The following CASK variants were observed in gnomAD, a reference collection of about 807,000 sequenced individuals.
The protein encoded by CASK is calcium/calmodulin dependent serine protein kinase, also known as peripheral plasma membrane protein CASK.
CASK carries 4 observed loss-of-function variants against 82.9 expected under a neutral mutation model. That is an observed-to-expected ratio of 0.05 (90% CI 0.02 to 0.11). CASK has a LOEUF of 0.11. Ranked by LOEUF, CASK falls within the 10% of genes least tolerant of loss-of-function variation. The pLI is 1.00. For missense variants in CASK, 358 were observed against 720.9 expected (o/e 0.50, Z 5.76); for synonymous variants, 259 against 253.5 (o/e 1.02, Z -0.20).
Position 41,515,959 on chromosome X carries a change from C to T in CASK, c.*4461G>A, listed in dbSNP as rs2064543724. The T allele has an allele frequency of 3.6e-5, 4 of 112,519 alleles. No individual in the cohort carries two copies. Among genetic ancestry groups the T allele is most frequent in the Middle Eastern group, 4.6e-3 (1 of 216 alleles). The allele number at this position is 112,519 out of a possible 1,213,427, so 9.3% of individuals were successfully genotyped here. Reference sequence around the variant, plus strand: ...AGGAGGTCTCCTGTGTGGTGACAAACATCTCTTTCCATTTTCTTTTGCTCA... The same window carrying T: ...AGGAGGTCTCCTGTGTGGTGACAAATATCTCTTTCCATTTTCTTTTGCTCA... On this transcript the variant is annotated 3_prime_UTR_variant, in exon 27 of 27. Coordinates refer to ENST00000378163, the MANE Select transcript of CASK (RefSeq NM_001367721.1).
At position 41,515,521 on chromosome X, in the gene CASK, T is replaced by C. The variant is rs1246676722; in HGVS notation, c.*4899A>G. The stretch of plus-strand genomic sequence containing the variant: ...AGTTTGAATGGCGACGTGCCTACAC[T>C]GCAATTAAACACGATACTCGGGTCT... On this transcript the variant is annotated 3_prime_UTR_variant, in exon 27 of 27. Transcript: ENST00000378163. 8.9e-6 allele frequency: 1 copy of C among 111,895 alleles called. No homozygotes were observed. Among genetic ancestry groups the C allele is most frequent in the South Asian group, 3.7e-4 (1 of 2,714 alleles). The allele number at this position is 111,895 out of a possible 1,213,427, so 9.2% of individuals were successfully genotyped here.
rs151169509 is a variant in CASK, at chrX:41,902,964, G to T, written c.59+19966C>A. Reference sequence around the variant, plus strand: ...CAGGTACTGTAGCAGTGTGGGTGGGGATTAAAGAAGGCTGTGAATGGAAAG... The same window carrying T: ...CAGGTACTGTAGCAGTGTGGGTGGGTATTAAAGAAGGCTGTGAATGGAAAG... On this transcript the variant is annotated intron_variant, in intron 1 of 26. Coordinates refer to ENST00000378163, the MANE Select transcript of CASK (RefSeq NM_001367721.1). Among the ~76,000 whole-genome samples, 722 of 111,992 alleles carry T rather than the reference G, an allele frequency of 6.4e-3. 1 individual carries two copies. Among genetic ancestry groups the T allele is most frequent in the Non-Finnish European group, 0.011 (597 of 53,167 alleles).
At chrX:41,685,798 G>C (rs2067431073) in intron 5 of CASK, among the ~76,000 whole-genome samples, 1 of 111,773 alleles carries the variant, frequency 8.9e-6, no homozygotes, top group Admixed American at 9.5e-5. Flanking sequence ...TTCTTAGAGA[G>C]ACATTTGTAT....
intron 2 of CASK, among the ~76,000 whole-genome samples, chrX:41,825,028 T>C (rs183021172): frequency 1.9e-3 from 209 of 112,013 alleles, no homozygotes; most frequent in African/African-American, 6.5e-3. Flanking sequence ...ACAGGGTGAC[T>C]ACAGCAGATA....
At chrX:41,623,463 C>T (rs1415544581) in intron 10 of CASK, among the ~76,000 whole-genome samples, 1 of 111,932 alleles carries the variant, frequency 8.9e-6, no homozygotes, top group African/African-American at 3.3e-5. Flanking sequence ...TGCTCTGTCA[C>T]CCAGGCTGGA....
At chrX:41,856,813 A>C (rs1156408039) in intron 1 of CASK, among the ~76,000 whole-genome samples, 7 of 107,294 alleles carry the variant, frequency 6.5e-5, no homozygotes, top group African/African-American at 2.4e-4. Context: ...AAAAAAAAAA[A>C]CCAAACTGTA....
chrX:41,863,335 C>G (rs2071528563), intron 1 of CASK, among the ~76,000 whole-genome samples: 1 of 111,459 alleles, frequency 9.0e-6, no homozygotes, highest in African/African-American at 3.3e-5. Flanking sequence ...TAATTGAAGC[C>G]ATTGCTGCTA....
At chrX:41,847,299 C>A (rs891255998) in intron 2 of CASK, among the ~76,000 whole-genome samples, 8 of 111,517 alleles carry the variant, frequency 7.2e-5, no homozygotes, top group African/African-American at 2.6e-4. Context: ...TTTGCTCATT[C>A]TTTTATCTTT....
chrX:41,847,168 T>C (rs1226992520), intron 2 of CASK, among the ~76,000 whole-genome samples: 1 of 111,968 alleles, frequency 8.9e-6, no homozygotes, highest in African/African-American at 3.2e-5. Context: ...TAAGAAGTTT[T>C]GGACTATTAT....
At chrX:41,735,767 C>T (rs2068483919) in intron 5 of CASK, among the ~76,000 whole-genome samples, 1 of 110,772 alleles carries the variant, frequency 9.0e-6, no homozygotes, top group Non-Finnish European at 1.9e-5. Flanking sequence ...AGTGCTCTTC[C>T]CTCAGCTGTC....
chrX:41,537,723 A>T (rs1250405298), intron 22 of CASK, among the ~76,000 whole-genome samples: 1 of 109,676 alleles, frequency 9.1e-6, no homozygotes, highest in Non-Finnish European at 1.9e-5. Context: ...GTTACAAGAA[A>T]ACCTCTTCAG....
intron 3 of CASK, among the ~76,000 whole-genome samples, chrX:41,756,355 T>C (rs1029916455): frequency 8.9e-6 from 1 of 112,425 alleles, no homozygotes; most frequent in Non-Finnish European, 1.9e-5. Context: ...GACCAGGATA[T>C]GTGTACCTGA....
At chrX:41,796,513 A>C (rs775882828) in intron 2 of CASK, among the ~76,000 whole-genome samples, 2 of 112,327 alleles carry the variant, frequency 1.8e-5, no homozygotes, top group South Asian at 7.6e-4. Flanking sequence ...GCAGTTTTTC[A>C]TCTACAGTTT....
At chrX:41,809,352 C>T (rs890850600) in intron 2 of CASK, among the ~76,000 whole-genome samples, 2 of 112,313 alleles carry the variant, frequency 1.8e-5, no homozygotes, top group Non-Finnish European at 3.8e-5. Context: ...CAAGGGCAGA[C>T]TGACATCTCA....
chrX:41,562,233 T>C (rs1178458992), intron 16 of CASK: 1 of 112,694 alleles, frequency 8.9e-6, no homozygotes. Context: ...CAGCAAATTC[T>C]GTTAAAGATA....
At chrX:41,649,096 T>G (rs2066817189) in intron 8 of CASK, among the ~76,000 whole-genome samples, 1 of 111,896 alleles carries the variant, frequency 8.9e-6, no homozygotes, top group South Asian at 3.8e-4. Flanking sequence ...GGATTGGTGG[T>G]GATATCCCCT....
intron 5 of CASK, among the ~76,000 whole-genome samples, chrX:41,732,563 C>T (rs969897202): frequency 2.7e-5 from 3 of 110,459 alleles, no homozygotes; most frequent in Non-Finnish European, 3.8e-5. Context: ...AGCCTAATGC[C>T]ACAAACCTTC....
intron 21 of CASK, among the ~76,000 whole-genome samples, chrX:41,547,612 ATTTTCGTATATTGATTTTTTTT>A (rs956590750): frequency 1.9e-5 from 2 of 106,405 alleles, no homozygotes; most frequent in Non-Finnish European, 3.9e-5. Flanking sequence ...AATAGAATTG[ATTTTCGTATATTGATTTTTTTT>A]TTTTTTGAGA....
chrX:41,534,624 T>G, intron 24 of CASK, 82 bp downstream of exon 24: 1 of 775,619 alleles, frequency 1.3e-6, no homozygotes. Flanking sequence ...ATACCTTATG[T>G]AATCAGAAAA....
Sources: gnomAD v4.1 joint callset for allele counts (sites outside exome capture counted in the v4.1 genomes callset) on GRCh38, gnomAD v4.1.1 for gene constraint, MANE v1.5 for transcripts, NCBI Gene and HGNC (gene_info 2026-07-23, HGNC 2026-07-21) for gene names.